PGR: variants seen among roughly 807,000 people sequenced by gnomAD.
The protein encoded by PGR is nuclear receptor subfamily 3 group C member 3.
PGR carries 25 observed loss-of-function variants against 76.1 expected under a neutral mutation model. That is an observed-to-expected ratio of 0.33 (90% CI 0.24 to 0.46). The LOEUF (loss-of-function observed/expected upper bound fraction) is 0.46, where lower values mean the gene tolerates loss of function less well. Ranked by LOEUF, PGR falls within the 20% of genes least tolerant of loss-of-function variation. The pLI is 1.00. For synonymous variants in PGR, 579 were observed against 535.0 expected, an observed-to-expected ratio of 1.08 and a Z score of -1.14; for missense variants, 1,172 against 1,225.3, an observed-to-expected ratio of 0.96 and a Z score of 0.65.
At chr11:101,076,573 A>C (rs1861135173) in intron 3 of PGR, among the ~76,000 whole-genome samples, 1 of 152,112 alleles carries the variant, frequency 6.6e-6, no homozygotes, top group African/African-American at 2.4e-5. Context: ...TCTAGGAAAC[A>C]GTATTGCACA....
chr11:101,042,148 A>C, intron 6 of PGR, 46 bp from the exon 7 acceptor site: 1 of 1,582,606 alleles, frequency 6.3e-7, no homozygotes, highest in African/African-American at 1.3e-5. Context: ...TAAAAAGATG[A>C]CATTAACAAT....
intron 3 of PGR, among the ~76,000 whole-genome samples, chr11:101,089,637 C>T (rs1478112872): frequency 7.3e-6 from 1 of 136,960 alleles, no homozygotes; most frequent in Non-Finnish European, 1.5e-5. Flanking sequence ...GCTCGATATA[C>T]AGTTACTGAA....
intron 6 of PGR, among the ~76,000 whole-genome samples, chr11:101,048,310 G>A (rs1859961663): frequency 6.6e-6 from 1 of 152,154 alleles, no homozygotes; most frequent in Non-Finnish European, 1.5e-5. Flanking sequence ...TGAGAGTGGT[G>A]GTAGAGGAGA....
chr11:101,102,284 T>G (rs1184811063), intron 2 of PGR, among the ~76,000 whole-genome samples: 2 of 152,226 alleles, frequency 1.3e-5, no homozygotes, highest in Non-Finnish European at 2.9e-5. Context: ...GTTAAAATTT[T>G]GGGGTGATAA....
Position 101,128,522 on chromosome 11 carries a change from T to C in PGR, c.549A>G (p.Lys183=), listed in dbSNP as rs201378964. 5,740 of 1,602,142 alleles carry C rather than the reference T, an allele frequency of 3.6e-3. 14 individuals carry two copies. Among genetic ancestry groups the C allele is most frequent in the Non-Finnish European group, 4.3e-3 (5,120 of 1,177,554 alleles). Reference sequence around the variant, plus strand: ...CTGGTGACAGGCCCCGGGGCAGCACTTTATGGGCAGCTGCCGTCCCGGAGC... The same window carrying C: ...CTGGTGACAGGCCCCGGGGCAGCACCTTATGGGCAGCTGCCGTCCCGGAGC... ...GDSSGTAAAH[K]VLPRGLSPAR... is the part of the protein sequence containing the mutation. The change falls in exon 1 of 8, where the codon AAA becomes AAG. Residue 183 remains lysine (K), a synonymous_variant. Transcript: ENST00000325455.
intron 6 of PGR, among the ~76,000 whole-genome samples, chr11:101,043,788 TA>T (rs1196131069): frequency 6.6e-6 from 1 of 152,166 alleles, no homozygotes; most frequent in East Asian, 1.9e-4. Context: ...TGAGCAATAA[TA>T]TTTGAAAGTA....
chr11:101,047,050 C>T (rs1203684563), intron 6 of PGR, among the ~76,000 whole-genome samples: 1 of 152,050 alleles, frequency 6.6e-6, no homozygotes, highest in African/African-American at 2.4e-5. Flanking sequence ...AAGTACTATT[C>T]ATTAAATAGT....
chr11:101,030,646 T>C lies in PGR; in HGVS notation c.*8470A>G, dbSNP rs1859322537. 4.7e-6 allele frequency: 1 copy of C among 212,784 alleles called. No individual in the cohort carries two copies. Among genetic ancestry groups the C allele is most frequent in the African/African-American group, 2.3e-5 (1 of 44,214 alleles). The allele number at this position is 212,784 out of a possible 1,614,324, so 13.2% of individuals were successfully genotyped here. A position where few individuals can be genotyped will look rare whatever the true frequency, so the allele number is the denominator to read the frequency against. Reference sequence around the variant, plus strand: ...ATTGGAATTGTTATAGCGGAAATGTTCAAAGAAAGTCAACATTCAGCTTTT... The same window carrying C: ...ATTGGAATTGTTATAGCGGAAATGTCCAAAGAAAGTCAACATTCAGCTTTT... On this transcript the variant is annotated 3_prime_UTR_variant, in exon 8 of 8. Coordinates refer to ENST00000325455, the MANE Select transcript of PGR (RefSeq NM_000926.4).
rs573021893 is a variant in PGR, at chr11:101,033,820, T to C, written c.*5296A>G. The C allele has an allele frequency of 2.4e-5, 5 of 207,724 alleles. No homozygotes were observed. The highest frequency in any genetic ancestry group is 4.9e-5 in the Non-Finnish European group (5 of 101,994). 12.9% of individuals were successfully genotyped at this position (207,724 alleles called of 1,614,324 possible). A position where few individuals can be genotyped will look rare whatever the true frequency, so the allele number is the denominator to read the frequency against. ...ACAAAGAGATCAGAAACTTAACATA[T>C]AACTGACAAGACAAAAACATTTAAC... is the stretch of plus-strand genomic sequence containing the variant. On this transcript the variant is annotated 3_prime_UTR_variant, in exon 8 of 8. Transcript: ENST00000325455.
intron 3 of PGR, among the ~76,000 whole-genome samples, chr11:101,084,702 A>G (rs1312079266): frequency 2.0e-5 from 3 of 152,034 alleles, no homozygotes; most frequent in African/African-American, 7.2e-5. Context: ...TAGGAAAACC[A>G]GACTCATCCA....
intron 3 of PGR, among the ~76,000 whole-genome samples, chr11:101,076,632 A>G (rs1861137132): frequency 6.6e-6 from 1 of 152,018 alleles, no homozygotes; most frequent in Non-Finnish European, 1.5e-5. Flanking sequence ...ATACTATGAG[A>G]AGAAATTTTT....
At position 101,128,890 on chromosome 11, in the gene PGR, G is replaced by C. The variant is rs1489270172; in HGVS notation, c.181C>G (p.Pro61Ala). The C allele has an allele frequency of 1.5e-5, 24 of 1,614,046 alleles. No homozygotes were observed. The highest frequency in any genetic ancestry group is 2.0e-5 in the Non-Finnish European group (24 of 1,180,022). The change falls in exon 1 of 8, where the codon CCT becomes GCT. Residue 61 changes from proline (P) to alanine (A), a missense_variant. Physicochemically the swap from Pro to Ala is conservative, Grantham distance 27 (BLOSUM62 -1). Around this residue, in one of 4 missense-constraint regions of PGR, gnomAD observed 893 missense variants for 785.9 expected, o/e 1.14. Coordinates refer to ENST00000325455, the MANE Select transcript of PGR (RefSeq NM_000926.4). ...GGGTCCTGTCCCTGGCAGGGCCGAG[G>C]GAAGAGTAGCCCGTCCAGGGAGATA... ...IPISLDGLLF[P>A]RPCQGQDPSD...
chr11:101,069,832 C>T (rs1860856328), intron 3 of PGR, among the ~76,000 whole-genome samples: 1 of 151,754 alleles, frequency 6.6e-6, no homozygotes, highest in African/African-American at 2.4e-5. Flanking sequence ...GGGAGAGGAA[C>T]ATCACACACC....
At chr11:101,106,632 T>C (rs1457640801) in intron 2 of PGR, among the ~76,000 whole-genome samples, 1 of 152,182 alleles carries the variant, frequency 6.6e-6, no homozygotes, top group Non-Finnish European at 1.5e-5. Context: ...GTAAATTAGT[T>C]CAACCATTGT....
chr11:101,119,637 G>T (rs968985144), intron 2 of PGR, among the ~76,000 whole-genome samples: 11 of 152,254 alleles, frequency 7.2e-5, no homozygotes, highest in African/African-American at 2.6e-4. Context: ...TTAAAAAAAG[G>T]TTGGCTGAGA....
At chr11:101,081,768 A>C (rs745891160) in intron 3 of PGR, among the ~76,000 whole-genome samples, 1 of 152,222 alleles carries the variant, frequency 6.6e-6, no homozygotes, top group Admixed American at 6.5e-5. Flanking sequence ...AGTTCTAAAC[A>C]TGGAAGCAAA....
In PGR at chr11:101,127,574, G is replaced by T; in HGVS notation, c.1497C>A (p.Ser499=). 7.4e-7 allele frequency: 1 copy of T among 1,360,200 alleles called. No homozygotes were observed. Among genetic ancestry groups the T allele is most frequent in the Non-Finnish European group, 9.4e-7 (1 of 1,058,204 alleles). 84.3% of individuals were successfully genotyped at this position (1,360,200 alleles called of 1,614,324 possible). A position where few individuals can be genotyped will look rare whatever the true frequency, so the allele number is the denominator to read the frequency against. ...CCGCCCCGGCGGCGGCGGCAGAGGCGGAGGTGGAGGGCAGGCCGTCCCGCG... is the reference window on the plus strand; with the variant it reads ...CCGCCCCGGCGGCGGCGGCAGAGGCTGAGGTGGAGGGCAGGCCGTCCCGCG... ...LLPRDGLPST[S]ASAAAAGAAP... is the part of the protein sequence containing the mutation. The change falls in exon 1 of 8, where the codon TCC becomes TCA. Residue 499 remains serine, a synonymous_variant. Coordinates refer to ENST00000325455, the MANE Select transcript of PGR (RefSeq NM_000926.4).
chr11:101,048,473 C>T (rs1331286756), intron 6 of PGR, among the ~76,000 whole-genome samples: 2 of 152,056 alleles, frequency 1.3e-5, no homozygotes, highest in Non-Finnish European at 2.9e-5. Flanking sequence ...CTACTATACA[C>T]CTAGGCCTTA....
At position 101,032,822 on chromosome 11, in the gene PGR, G is replaced by C. The variant is rs919084984; in HGVS notation, c.*6294C>G. 1.6e-5 allele frequency: 3 copies of C among 189,232 alleles called. No individual in the cohort carries two copies. In the Admixed American group the frequency reaches 1.9e-4, roughly 12 times the overall value. 11.7% of individuals were successfully genotyped at this position (189,232 alleles called of 1,614,324 possible). On this transcript the variant is annotated 3_prime_UTR_variant, in exon 8 of 8. Coordinates refer to ENST00000325455, the MANE Select transcript of PGR (RefSeq NM_000926.4). ...TTATTCCCCATCCAACTCTAAGCTC[G>C]GAGAAGACGGGAACACTGGTAATCT...
Sources: gnomAD v4.1 joint callset for allele counts (sites outside exome capture counted in the v4.1 genomes callset) on GRCh38, gnomAD v4.1.1 for gene constraint, gnomAD v4.1.1 regional missense constraint, MANE v1.5 for transcripts, NCBI Gene and HGNC (gene_info 2026-07-23, HGNC 2026-07-21) for gene names.